Variants in ACTN4 observed in about 807,000 individuals in gnomAD.
The protein encoded by ACTN4 is alpha-actinin-4.
ACTN4 carries 18 observed loss-of-function variants against 114.2 expected under a neutral mutation model. That is an observed-to-expected ratio of 0.16 (90% CI 0.11 to 0.23). The LOEUF is 0.23. Among genes scored for constraint, ACTN4 ranks in the 10% least tolerant of loss-of-function variants. The probability of loss-of-function intolerance (pLI) is 1.00; values close to 1 mark genes in which losing one functional copy is unlikely to be tolerated. For synonymous variants in ACTN4, 515 were observed against 506.3 expected (o/e 1.02, Z -0.23); for missense variants, 722 against 1,262.9 (o/e 0.57, Z 6.49).
chr19:38,666,590 C>G (rs959252408), intron 1 of ACTN4, among the ~76,000 whole-genome samples: 3 of 152,270 alleles, frequency 2.0e-5, no homozygotes, highest in Admixed American at 6.5e-5. Flanking sequence ...TGGGAGCCCG[C>G]TCGGAGACAC....
intron 1 of ACTN4, 124 bp from the exon 2 acceptor site, chr19:38,700,476 G>T (rs1217718995): frequency 2.6e-6 from 2 of 783,072 alleles, no homozygotes; most frequent in Non-Finnish European, 4.5e-6. Flanking sequence ...TACGGTGTGT[G>T]TCGGCGAGTG....
chr19:38,709,151 A>C (rs1968557580), intron 6 of ACTN4, among the ~76,000 whole-genome samples: 1 of 152,012 alleles, frequency 6.6e-6, no homozygotes, highest in Non-Finnish European at 1.5e-5. Context: ...GTACACCTGC[A>C]TTTTTCTGGA....
Position 38,700,611 on chromosome 19 carries a change from A to G in ACTN4, c.174A>G (p.Ala58=), listed in dbSNP as rs1421971137. 1.9e-6 allele frequency: 3 copies of G among 1,613,856 alleles called. No individual in the cohort carries two copies. The highest frequency in any genetic ancestry group is 2.7e-5 in the African/African-American group (2 of 74,918). The change falls in exon 2 of 21, where the codon GCA becomes GCG. Residue 58 remains alanine, a synonymous_variant. Transcript: ENST00000252699. The stretch of plus-strand genomic sequence containing the variant: ...TTCTGCTTCCCCAGACCTTCACGGC[A>G]TGGTGCAACTCCCACCTGCGGAAGG... The part of the protein sequence containing the change: ...WEKQQRKTFT[A]WCNSHLRKAG...
chr19:38,657,265 C>A (rs1189338940), intron 1 of ACTN4, among the ~76,000 whole-genome samples: 1 of 152,066 alleles, frequency 6.6e-6, no homozygotes, highest in Non-Finnish European at 1.5e-5. Context: ...GCCTCAGCTT[C>A]CCAAGTAGCT....
chr19:38,719,779 C>T (rs1254164367), intron 11 of ACTN4, among the ~76,000 whole-genome samples: 2 of 152,282 alleles, frequency 1.3e-5, no homozygotes, highest in Admixed American at 1.3e-4. Flanking sequence ...TCTTCAGTCC[C>T]TCTACAGGGC....
chr19:38,698,657 G>A (rs1274492711), intron 1 of ACTN4, among the ~76,000 whole-genome samples: 1 of 152,208 alleles, frequency 6.6e-6, no homozygotes, highest in Non-Finnish European at 1.5e-5. Flanking sequence ...TACATGGCGG[G>A]GCGGAGGTAT....
At chr19:38,700,852 C>T (rs1568718712) in intron 2 of ACTN4, 138 bp downstream of exon 2, 2 of 1,381,462 alleles carry the variant, frequency 1.4e-6, no homozygotes, top group Admixed American at 1.9e-5. Context: ...GCACGGTGGT[C>T]TGATGGGTGG....
chr19:38,714,113 T>A (rs1415595382), intron 8 of ACTN4, among the ~76,000 whole-genome samples: 1 of 151,982 alleles, frequency 6.6e-6, no homozygotes, highest in Admixed American at 6.6e-5. Flanking sequence ...CCTTTCACCT[T>A]CCCACCGGGA....
At chr19:38,707,422 G>C (rs1048274166) in intron 5 of ACTN4, among the ~76,000 whole-genome samples, 3 of 152,136 alleles carry the variant, frequency 2.0e-5, no homozygotes, top group Admixed American at 6.5e-5. Flanking sequence ...AGACAGGGAA[G>C]TCAGATGAAG....
chr19:38,715,765 T>C (rs541119174), intron 9 of ACTN4, among the ~76,000 whole-genome samples: 81 of 152,362 alleles, frequency 5.3e-4, no homozygotes, highest in East Asian at 1.9e-4. Flanking sequence ...AAAGGGCAGC[T>C]GGCAGCACGC....
At chr19:38,696,653 C>T (rs1968104016) in intron 1 of ACTN4, among the ~76,000 whole-genome samples, 1 of 152,226 alleles carries the variant, frequency 6.6e-6, no homozygotes, top group African/African-American at 2.4e-5. Context: ...GCTCTCCTCA[C>T]CAGAGCTGAG....
Position 38,647,814 on chromosome 19 carries a change from C to A in ACTN4, c.69C>A (p.Gly23=). The change falls in exon 1 of 21, where the codon GGC becomes GGA. Residue 23 remains glycine, a synonymous_variant. Coordinates refer to ENST00000252699, the MANE Select transcript of ACTN4 (RefSeq NM_004924.6). The part of the protein sequence containing the change: ...YGPSSAGNGA[G]GGGSMGDYMA... ...CCAGCAGCGCGGGCAATGGCGCTGGCGGCGGGGGCAGCATGGGCGACTACA... is the reference window on the plus strand; with the variant it reads ...CCAGCAGCGCGGGCAATGGCGCTGGAGGCGGGGGCAGCATGGGCGACTACA... 1 of 1,551,154 alleles carries A rather than the reference C, an allele frequency of 6.4e-7. No individual in the cohort carries two copies. The highest frequency in any genetic ancestry group is 8.7e-7 in the Non-Finnish European group (1 of 1,149,888).
At chr19:38,679,403 A>T (rs1370393716) in intron 1 of ACTN4, among the ~76,000 whole-genome samples, 1 of 152,042 alleles carries the variant, frequency 6.6e-6, no homozygotes, top group Admixed American at 6.6e-5. Flanking sequence ...GCAATATATG[A>T]TACATAACCC....
Position 38,723,991 on chromosome 19 carries a change from C to T in ACTN4, c.1606C>T (p.Arg536Cys), listed in dbSNP as rs372902386. 5 of 1,613,624 alleles carry T rather than the reference C, an allele frequency of 3.1e-6. No individual in the cohort carries two copies. The highest frequency in any genetic ancestry group is 2.7e-5 in the African/African-American group (2 of 74,850). ...IDQLHLEYAK[R>C]AAPFNNWMES... ...CCAGCTGCACCTGGAATACGCCAAG[C>T]GCGCGGCCCCCTTCAACAACTGGAT... The change falls in exon 14 of 21, where the codon CGC (arginine) becomes TGC (cysteine). Residue 536 changes from arginine (R) to cysteine (C), a missense_variant. Transcript: ENST00000252699.
At position 38,721,648 on chromosome 19, in the gene ACTN4, G is replaced by A; in HGVS notation, c.1402G>A (p.Asp468Asn). 6.2e-7 allele frequency: 1 copy of A among 1,613,936 alleles called. No individual in the cohort carries two copies. Among genetic ancestry groups the A allele is most frequent in the Non-Finnish European group, 8.5e-7 (1 of 1,180,038 alleles). ...CGAGAGCGACCTGGCTGCGCACCAG[G>A]ACCGCGTGGAGCAGATCGCCGCCAT... ...AFESDLAAHQ[D>N]RVEQIAAIAQ... The change falls in exon 12 of 21, where the codon GAC (aspartate) becomes AAC (asparagine). Residue 468 changes from aspartate to asparagine, a missense_variant. This residue lies in a region of ACTN4 where 523 missense variants were observed against 875.9 expected (regional missense o/e 0.60). Coordinates refer to ENST00000252699, the MANE Select transcript of ACTN4 (RefSeq NM_004924.6).
chr19:38,727,126 G>A lies in ACTN4; in HGVS notation c.2337+23G>A, dbSNP rs377626307. Reference sequence around the variant, plus strand: ...AAGGTGAGCAGCCTGCCACCTCCTCGGCCTCTCCCCTCCCGCCGTTGCCGT... The same window carrying A: ...AAGGTGAGCAGCCTGCCACCTCCTCAGCCTCTCCCCTCCCGCCGTTGCCGT... On this transcript the variant is annotated intron_variant, in intron 18 of 20. Coordinates refer to ENST00000252699, the MANE Select transcript of ACTN4 (RefSeq NM_004924.6). The surrounding 1 kb of genome is among the most constrained non-coding windows in gnomAD (Gnocchi z 5.4). The A allele has an allele frequency of 5.3e-5, 86 of 1,613,154 alleles. No individual in the cohort carries two copies. The highest frequency in any genetic ancestry group is 4.2e-4 in the Admixed American group (25 of 59,982).
chr19:38,722,661 A>G (rs1969086140), intron 12 of ACTN4, among the ~76,000 whole-genome samples: 1 of 152,142 alleles, frequency 6.6e-6, no homozygotes, highest in Non-Finnish European at 1.5e-5. Flanking sequence ...TGCCACCACC[A>G]CGTCCAGGCC....
intron 11 of ACTN4, among the ~76,000 whole-genome samples, chr19:38,719,442 G>A (rs1292444104): frequency 6.6e-6 from 1 of 152,220 alleles, no homozygotes; most frequent in Admixed American, 6.5e-5. Flanking sequence ...AGCTCAGCTC[G>A]CCATTCCCGC....
intron 1 of ACTN4, among the ~76,000 whole-genome samples, chr19:38,694,084 TCCTC>T (rs1398800713): frequency 1.3e-5 from 2 of 151,984 alleles, no homozygotes; most frequent in Non-Finnish European, 2.9e-5. Flanking sequence ...CATCCTTCCT[TCCTC>T]CCTAGATAGG....
Sources: allele counts gnomAD v4.1 joint callset (sites outside exome capture counted in the v4.1 genomes callset), GRCh38; gene constraint gnomAD v4.1.1; regional missense constraint gnomAD v4.1.1; non-coding constraint Gnocchi (gnomAD v3.1); transcripts MANE v1.5; gene names NCBI Gene and HGNC (gene_info 2026-07-23, HGNC 2026-07-21).